The following STXBP5 variants were observed in gnomAD, a reference collection of about 807,000 sequenced individuals.
STXBP5 encodes syntaxin-binding protein 5.
STXBP5 carries 50 observed loss-of-function variants against 152.4 expected under a neutral mutation model. The ratio of observed to expected loss-of-function variants is 0.33; its 90% CI spans 0.26 to 0.42. The LOEUF is 0.42. Among genes scored for constraint, STXBP5 ranks in the 10% least tolerant of loss-of-function variants. STXBP5 has a pLI of 1.00. For missense variants in STXBP5, 1,167 were observed against 1,388.6 expected (o/e 0.84, Z 2.54); for synonymous variants, 492 against 494.7 (o/e 0.99, Z 0.07).
chr6:147,314,779 A>C, intron 14 of STXBP5, 143 bp downstream of exon 14: 1 of 563,372 alleles, frequency 1.8e-6, no homozygotes, highest in African/African-American at 1.9e-5. Flanking sequence ...TAAATACATG[A>C]GTTTAGAATT....
chr6:147,284,207 T>C (rs1312978262), intron 8 of STXBP5, among the ~76,000 whole-genome samples: 1 of 152,124 alleles, frequency 6.6e-6, no homozygotes, highest in African/African-American at 2.4e-5. Context: ...GCATTTTGAG[T>C]GCACGGTAGA....
At chr6:147,232,212 T>G (rs2115157970) in intron 2 of STXBP5, among the ~76,000 whole-genome samples, 1 of 151,806 alleles carries the variant, frequency 6.6e-6, no homozygotes, top group East Asian at 1.9e-4. Context: ...GGTCTTCAAG[T>G]CTCATTGTGC....
At position 147,363,654 on chromosome 6, in the gene STXBP5, C is replaced by T; in HGVS notation, c.2865C>T (p.Asn955=). The T allele has an allele frequency of 6.2e-7, 1 of 1,613,918 alleles. No individual in the cohort carries two copies. ...GTGGAGATATTGTAGCATTGAGTAA[C>T]AGTATCTGCCTTGCCTGTTTCTGTG... ...VLRGDIVALS[N]SICLACFCAN... is the part of the protein sequence containing the mutation. The change falls in exon 24 of 28, where the codon AAC becomes AAT. Residue 955 remains asparagine, a synonymous_variant. Transcript: ENST00000321680.
At chr6:147,372,457 T>TTTTTTTTTTTTTTTTG (rs1785602945) in intron 25 of STXBP5, among the ~76,000 whole-genome samples, 1 of 108,648 alleles carries the variant, frequency 9.2e-6, no homozygotes. Flanking sequence ...TTTTTTTTTT[T>TTTTTTTTTTTTTTTTG]TGAGACAGAT....
chr6:147,234,548 A>G (rs1391784000), intron 2 of STXBP5, among the ~76,000 whole-genome samples: 2 of 151,948 alleles, frequency 1.3e-5, no homozygotes, highest in Non-Finnish European at 2.9e-5. Context: ...GGAAAATAAC[A>G]TTCTTCGTGA....
At chr6:147,240,958 ATTGT>A (rs1778511311) in intron 4 of STXBP5, among the ~76,000 whole-genome samples, 1 of 152,150 alleles carries the variant, frequency 6.6e-6, no homozygotes, top group South Asian at 2.1e-4. Flanking sequence ...TAAGTATTTG[ATTGT>A]TAAACAGAAA....
intron 22 of STXBP5, 23 bp from the exon 23 acceptor site, chr6:147,359,061 C>A: frequency 6.2e-7 from 1 of 1,603,264 alleles, no homozygotes; most frequent in Non-Finnish European, 8.5e-7. Flanking sequence ...TGAGCAATCT[C>A]ACAACATTTT....
chr6:147,314,400 A>C (rs1019123598), intron 13 of STXBP5, 69 bp downstream of exon 13: 2 of 1,439,776 alleles, frequency 1.4e-6, no homozygotes, highest in African/African-American at 2.8e-5. Context: ...GACTACATGA[A>C]TGTTAACTTA....
intron 7 of STXBP5, among the ~76,000 whole-genome samples, chr6:147,274,021 AT>A (rs371814000): frequency 2.6e-5 from 4 of 151,074 alleles, no homozygotes; most frequent in South Asian, 4.2e-4. Flanking sequence ...CTTTAAATGA[AT>A]TTTTTTTTGC....
intron 4 of STXBP5, among the ~76,000 whole-genome samples, chr6:147,244,477 CTATTGACTG>C (rs1345893895): frequency 6.6e-6 from 1 of 152,202 alleles, no homozygotes; most frequent in East Asian, 1.9e-4. Context: ...TGAAAGAGGA[CTATTGACTG>C]TAGCATTTAC....
At chr6:147,310,917 A>G (rs1782343314) in intron 10 of STXBP5, among the ~76,000 whole-genome samples, 1 of 152,148 alleles carries the variant, frequency 6.6e-6, no homozygotes. Context: ...GTATTTGACC[A>G]AACAGCTGGG....
At chr6:147,294,463 T>C (rs1353646906) in intron 9 of STXBP5, among the ~76,000 whole-genome samples, 1 of 152,152 alleles carries the variant, frequency 6.6e-6, no homozygotes, top group Admixed American at 6.5e-5. Flanking sequence ...CACTGGTATA[T>C]GTCTCACACA....
chr6:147,309,872 C>A (rs548934405), intron 9 of STXBP5, among the ~76,000 whole-genome samples: 21 of 152,062 alleles, frequency 1.4e-4, no homozygotes, highest in African/African-American at 5.1e-4. Flanking sequence ...TAAATTTAGT[C>A]AATGTTTATT....
chr6:147,334,169 A>G lies in STXBP5; in HGVS notation c.2093A>G (p.Asp698Gly), dbSNP rs1562252608. 1 of 1,612,820 alleles carries G rather than the reference A, an allele frequency of 6.2e-7. No homozygotes were observed. Among genetic ancestry groups the G allele is most frequent in the Non-Finnish European group, 8.5e-7 (1 of 1,179,518 alleles). The change falls in exon 19 of 28, where the codon GAT becomes GGT. Residue 698 changes from aspartate (D) to glycine (G), a missense_variant. Asp to Gly is a moderately conservative substitution (Grantham distance 94). Coordinates refer to ENST00000321680, the MANE Select transcript of STXBP5 (RefSeq NM_001127715.4). ...SRQPSGAGLC[D>G]ISEGTVVPED... ...TTTTGTTTTGTAGCCGGTCTGTGTG[A>G]TATTAGTGAAGGGACTGTTGTTCCA...
At chr6:147,252,859 C>T (rs1779167131) in intron 4 of STXBP5, among the ~76,000 whole-genome samples, 1 of 152,176 alleles carries the variant, frequency 6.6e-6, no homozygotes, top group Admixed American at 6.5e-5. Context: ...AACGGATTCA[C>T]AGCCGAATTC....
intron 4 of STXBP5, among the ~76,000 whole-genome samples, chr6:147,253,335 A>G (rs1017880457): frequency 6.6e-6 from 1 of 152,198 alleles, no homozygotes; most frequent in Non-Finnish European, 1.5e-5. Context: ...TATGAGAAAC[A>G]CATAGCTAAC....
intron 25 of STXBP5, among the ~76,000 whole-genome samples, chr6:147,368,098 C>T (rs1785376841): frequency 6.6e-6 from 1 of 152,224 alleles, no homozygotes; most frequent in East Asian, 1.9e-4. Flanking sequence ...GAAGAAATAA[C>T]ACCGGTTCAC....
At chr6:147,327,079 G>A in intron 17 of STXBP5, 46 bp from the exon 18 acceptor site, 1 of 1,568,456 alleles carries the variant, frequency 6.4e-7, no homozygotes, top group Non-Finnish European at 8.7e-7. Context: ...CATTTTTTTG[G>A]AATTATTTGT....
intron 2 of STXBP5, among the ~76,000 whole-genome samples, chr6:147,216,834 C>T (rs1562414972): frequency 6.6e-6 from 1 of 152,092 alleles, no homozygotes; most frequent in Non-Finnish European, 1.5e-5. Flanking sequence ...TATTAATCTT[C>T]ATTTGAAAAA....
Sources: gnomAD v4.1 joint callset for allele counts (sites outside exome capture counted in the v4.1 genomes callset) on GRCh38, gnomAD v4.1.1 for gene constraint, MANE v1.5 for transcripts, NCBI Gene and HGNC (gene_info 2026-07-23, HGNC 2026-07-21) for gene names.